FTO: variants seen among roughly 807,000 people sequenced by gnomAD.
FTO encodes the protein FTO alpha-ketoglutarate dependent dioxygenase.
A neutral mutation model predicts 63.9 loss-of-function variants in FTO; 47 were observed. The observed-to-expected ratio is 0.74, with a 90% CI of 0.58 to 0.94. The LOEUF (loss-of-function observed/expected upper bound fraction) is 0.94, where lower values mean the gene tolerates loss of function less well. Ranked by LOEUF, FTO falls within the 40% of genes least tolerant of loss-of-function variation. The pLI is 0.00. For missense variants in FTO, 562 were observed against 618.1 expected (o/e 0.91, Z 0.96); for synonymous variants, 207 against 224.4 (o/e 0.92, Z 0.69).
chr16:54,005,089 A>AAAG (rs1274879261), intron 8 of FTO, among the ~76,000 whole-genome samples: 1 of 148,906 alleles, frequency 6.7e-6, no homozygotes, highest in African/African-American at 2.4e-5. Flanking sequence ...AAAAAAAAAA[A>AAAG]GAAACAAATT....
At chr16:53,826,538 C>A (rs1372227988) in intron 3 of FTO, 47 bp downstream of exon 3, 6 of 1,593,170 alleles carry the variant, frequency 3.8e-6, no homozygotes, top group Non-Finnish European at 5.2e-6. Context: ...AATAATATGA[C>A]CCGAGTTGTT....
chr16:53,733,261 G>T (rs9924878), intron 1 of FTO, among the ~76,000 whole-genome samples: 10,990 of 152,168 alleles, frequency 0.072, 553 homozygotes, highest in Middle Eastern at 0.16. Context: ...AATTAGCCAG[G>T]TGTGGTGGTG....
rs112605940 is a variant in FTO at position 54,017,564 on chromosome 16, C to T, written c.1364+83455C>T. On this transcript the variant is annotated intron_variant, in intron 8 of 8. Coordinates refer to ENST00000471389, the MANE Select transcript of FTO (RefSeq NM_001080432.3). ...GCAGAACACTTGAATCAAAGCACTT[C>T]GCATTTTCTTTCTTATTTAGAAATA... Among the ~76,000 whole-genome samples the T allele has an allele frequency of 3.0e-3, 457 of 152,304 alleles. 2 individuals carry two copies. Among genetic ancestry groups the T allele is most frequent in the African/African-American group, 0.01 (434 of 41,570 alleles).
At chr16:53,923,104 A>G (rs1414284513) in intron 7 of FTO, 3 of 152,222 alleles carry the variant, frequency 2.0e-5, no homozygotes, top group South Asian at 4.1e-4. Flanking sequence ...AAGAAGAACA[A>G]TGATTTTGTA....
intron 8 of FTO, among the ~76,000 whole-genome samples, chr16:54,025,938 G>T (rs908877628): frequency 6.6e-6 from 1 of 152,132 alleles, no homozygotes; most frequent in Non-Finnish European, 1.5e-5. Flanking sequence ...GCTTGAACCC[G>T]GGAGATGGTG....
At chr16:53,875,620 A>G (rs1057411136) in intron 5 of FTO, among the ~76,000 whole-genome samples, 4 of 152,226 alleles carry the variant, frequency 2.6e-5, no homozygotes, top group African/African-American at 9.6e-5. Flanking sequence ...TGTACACTAC[A>G]GTGTACATAA....
intron 6 of FTO, among the ~76,000 whole-genome samples, chr16:53,884,631 C>G (rs895932370): frequency 1.3e-5 from 2 of 152,164 alleles, no homozygotes; most frequent in Non-Finnish European, 2.9e-5. Context: ...GTTTGCTGAC[C>G]CGTTGGAATG....
intron 8 of FTO, chr16:54,071,881 A>G (rs1567553605): frequency 1.3e-5 from 2 of 152,140 alleles, no homozygotes; most frequent in African/African-American, 4.8e-5. Flanking sequence ...AATTCTATGC[A>G]TCACATCAAT....
chr16:53,812,706 G>A (rs965723977), intron 2 of FTO, among the ~76,000 whole-genome samples: 16 of 152,012 alleles, frequency 1.1e-4, no homozygotes, highest in South Asian at 2.1e-4. Context: ...TTCTACACAC[G>A]TACACACTTC....
At chr16:54,083,498 A>G (rs2086193825) in intron 8 of FTO, among the ~76,000 whole-genome samples, 1 of 152,188 alleles carries the variant, frequency 6.6e-6, no homozygotes, top group South Asian at 2.1e-4. Flanking sequence ...TTCATTTAAT[A>G]GTCCTTGAAA....
intron 8 of FTO, among the ~76,000 whole-genome samples, chr16:54,056,043 T>TA (rs1307875187): frequency 2.6e-5 from 4 of 152,228 alleles, no homozygotes; most frequent in East Asian, 1.9e-4. Flanking sequence ...CATCCTCACT[T>TA]ACAATAGAGC....
chr16:53,977,071 T>C lies in FTO; in HGVS notation c.1364+42962T>C, dbSNP rs2083450879. 3.9e-5 allele frequency among the ~76,000 whole-genome samples: 6 copies of C among 152,312 alleles called. No individual in the cohort carries two copies. In the South Asian group the frequency reaches 1.2e-3, roughly 32 times the overall value. ...ATAGGCACCCTTTGATTTTTTTTCC[T>C]GTTGTTAATTAGGATATTTCAAAAG... On this transcript the variant is annotated intron_variant, in intron 8 of 8. Transcript: ENST00000471389.
intron 8 of FTO, among the ~76,000 whole-genome samples, chr16:54,100,132 C>T (rs778507552): frequency 5.3e-5 from 8 of 152,134 alleles, no homozygotes; most frequent in Non-Finnish European, 1.0e-4. Flanking sequence ...CAGTTTCTAA[C>T]AAGGGCCCAA....
chr16:54,037,710 T>C (rs2084973348), intron 8 of FTO, among the ~76,000 whole-genome samples: 1 of 152,222 alleles, frequency 6.6e-6, no homozygotes. Flanking sequence ...TCTTCTACTT[T>C]AGAAAAACAT....
intron 1 of FTO, among the ~76,000 whole-genome samples, chr16:53,710,022 G>C (rs957682685): frequency 1.3e-5 from 2 of 151,882 alleles, no homozygotes; most frequent in South Asian, 2.1e-4. Context: ...TCCTGGTCCA[G>C]GTTCCATCTG....
At chr16:53,720,624 AT>A (rs1389070141) in intron 1 of FTO, among the ~76,000 whole-genome samples, 2 of 146,606 alleles carry the variant, frequency 1.4e-5, no homozygotes, top group African/African-American at 5.0e-5. Flanking sequence ...AGATATATAT[AT>A]ATCTTTTATA....
intron 1 of FTO, among the ~76,000 whole-genome samples, chr16:53,793,434 C>T (rs963116828): frequency 1.3e-5 from 2 of 152,040 alleles, no homozygotes; most frequent in Non-Finnish European, 2.9e-5. Flanking sequence ...AACTGAAGTA[C>T]ATTATTTTGT....
chr16:54,007,245 A>G (rs781335254), intron 8 of FTO, among the ~76,000 whole-genome samples: 5 of 152,206 alleles, frequency 3.3e-5, no homozygotes, highest in Admixed American at 1.3e-4. Flanking sequence ...AGCATGGCAC[A>G]TGTATACATA....
intron 8 of FTO, chr16:53,991,869 TG>T (rs1264252095): frequency 1.3e-5 from 2 of 152,190 alleles, no homozygotes; most frequent in African/African-American, 4.8e-5. Flanking sequence ...GAAATTGTTT[TG>T]TTCTGAAGTA....
Sources: gnomAD v4.1 joint callset for allele counts (sites outside exome capture counted in the v4.1 genomes callset) on GRCh38, gnomAD v4.1.1 for gene constraint, MANE v1.5 for transcripts, NCBI Gene and HGNC (gene_info 2026-07-23, HGNC 2026-07-21) for gene names.